APOLD1: variants seen among roughly 807,000 people sequenced by gnomAD.
APOLD1 encodes apolipoprotein L domain containing 1.
In APOLD1, 22 loss-of-function variants were observed where a neutral mutation model predicts 15.3. The observed-to-expected ratio is 1.44, with a 90% CI of 1.03 to 2.05. APOLD1 has a LOEUF of 2.05. Ranked by LOEUF, APOLD1 falls within the 30% of genes most tolerant of loss-of-function variation. The pLI, the probability that APOLD1 is intolerant of heterozygous loss-of-function variation, is 0.00. For synonymous variants in APOLD1, 190 were observed against 167.4 expected (o/e 1.13, Z -1.04); for missense variants, 394 against 353.5 (o/e 1.11, Z -0.92).
At chr12:12,776,797 C>T (rs771594891) in intron 1 of APOLD1, among the ~76,000 whole-genome samples, 3 of 152,066 alleles carry the variant, frequency 2.0e-5, no homozygotes, top group Non-Finnish European at 4.4e-5. Context: ...GATTATGAAG[C>T]AGTAACATTC....
upstream of APOLD1, among the ~76,000 whole-genome samples, chr12:12,784,585 C>T (rs1947109439): frequency 6.6e-6 from 1 of 152,112 alleles, no homozygotes; most frequent in South Asian, 2.1e-4. Flanking sequence ...TAATCATGTT[C>T]CAGAATGATA....
Position 12,778,509 on chromosome 12 carries a change from A to C in APOLD1, c.97-8400A>C, listed in dbSNP as rs1379488653. On this transcript the variant is annotated intron_variant, in intron 1 of 1. Transcript: ENST00000326765. Reference sequence around the variant, plus strand: ...TAATTTTTAATTTCTTTTTTTTTTTATAGAGATGGGTTCTCACTGTGTTGC... The same window carrying C: ...TAATTTTTAATTTCTTTTTTTTTTTCTAGAGATGGGTTCTCACTGTGTTGC... Among the ~76,000 whole-genome samples the C allele has an allele frequency of 1.2e-4, 15 of 124,508 alleles. No homozygotes were observed. In the East Asian group the frequency reaches 3.9e-3, roughly 32 times the overall value. The allele number at this position is 124,508 out of a possible 152,430, so 81.7% of individuals were successfully genotyped here.
At chr12:12,786,693 G>T in intron 1 of APOLD1, 2 of 985,428 alleles carry the variant, frequency 2.0e-6, no homozygotes, top group Non-Finnish European at 2.4e-6. Flanking sequence ...CATATGCAGA[G>T]ATAAGGTCCT....
intron 1 of APOLD1, among the ~76,000 whole-genome samples, chr12:12,746,159 G>C (rs1055415957): frequency 2.6e-5 from 4 of 152,080 alleles, no homozygotes; most frequent in African/African-American, 9.7e-5. Flanking sequence ...ATCCAAGAAG[G>C]CTTAAAACGT....
chr12:12,727,080 T>C (rs1306790343), intron 1 of APOLD1, among the ~76,000 whole-genome samples: 1 of 152,226 alleles, frequency 6.6e-6, no homozygotes, highest in Non-Finnish European at 1.5e-5. Flanking sequence ...CAGACCCCTG[T>C]GAAACTGTAT....
intron 1 of APOLD1, among the ~76,000 whole-genome samples, chr12:12,731,722 T>C (rs921456054): frequency 6.6e-6 from 1 of 152,174 alleles, no homozygotes; most frequent in African/African-American, 2.4e-5. Context: ...AATATATAAA[T>C]ATAGGGAAAT....
At chr12:12,786,612 A>G in intron 1 of APOLD1, 1 of 976,324 alleles carries the variant, frequency 1.0e-6, no homozygotes, top group Non-Finnish European at 1.2e-6. Context: ...ATCTTATTTA[A>G]CACATAGCTG....
Position 12,788,361 on chromosome 12 carries a change from T to C in APOLD1, c.*709T>C, listed in dbSNP as rs1355030872. On this transcript the variant is annotated 3_prime_UTR_variant, in exon 2 of 2. Transcript: ENST00000356591. ...CCCTCACATGAAGCTGAGGGCCAGA[T>C]AGATGGAGCGACTGCCAACTTCATT... 1 of 152,258 alleles carries C rather than the reference T, an allele frequency of 6.6e-6. No individual in the cohort carries two copies. The highest frequency in any genetic ancestry group is 1.5e-5 in the Non-Finnish European group (1 of 68,094). The allele number at this position is 152,258 out of a possible 1,614,324, so 9.4% of individuals were successfully genotyped here.
intron 1 of APOLD1, among the ~76,000 whole-genome samples, chr12:12,751,810 G>A (rs558700186): frequency 9.2e-5 from 14 of 152,322 alleles, no homozygotes; most frequent in African/African-American, 3.4e-4. Flanking sequence ...AGATAAGAGA[G>A]GTTACCTTGT....
chr12:12,764,777 A>G, intron 1 of APOLD1: 1 of 437,094 alleles, frequency 2.3e-6, no homozygotes, highest in Non-Finnish European at 4.9e-6. Flanking sequence ...CCCCAGGTGG[A>G]TGTGATTCTC....
At chr12:12,726,736 CTTAA>C (rs1239521342) in intron 1 of APOLD1, among the ~76,000 whole-genome samples, 3 of 152,144 alleles carry the variant, frequency 2.0e-5, no homozygotes, top group Non-Finnish European at 4.4e-5. Context: ...TAACAAACCT[CTTAA>C]TTAAGGTCCA....
intron 1 of APOLD1, among the ~76,000 whole-genome samples, chr12:12,734,167 G>A (rs1946665487): frequency 6.6e-6 from 1 of 152,082 alleles, no homozygotes; most frequent in Admixed American, 6.6e-5. Flanking sequence ...TTAACTCAAG[G>A]ATATCTTAAC....
At chr12:12,733,491 G>C (rs1292808547) in intron 1 of APOLD1, among the ~76,000 whole-genome samples, 1 of 152,172 alleles carries the variant, frequency 6.6e-6, no homozygotes, top group African/African-American at 2.4e-5. Context: ...AACATCTGTA[G>C]TTCCTATTTC....
At chr12:12,764,692 C>G (rs1946931304) in intron 1 of APOLD1, 2 of 508,374 alleles carry the variant, frequency 3.9e-6, no homozygotes, top group East Asian at 5.7e-5. Context: ...CCTGTAGTGT[C>G]TTATATACAA....
chr12:12,774,571 A>G (rs1223117261), intron 1 of APOLD1, among the ~76,000 whole-genome samples: 32 of 114,354 alleles, frequency 2.8e-4, no homozygotes, highest in African/African-American at 6.1e-4. Context: ...AAAAAAAAAA[A>G]AAAGAAAGAA....
chr12:12,772,274 A>G (rs2136392727), intron 1 of APOLD1, among the ~76,000 whole-genome samples: 1 of 152,342 alleles, frequency 6.6e-6, no homozygotes, highest in East Asian at 1.9e-4. Context: ...ATAAAGACAC[A>G]TATAAACGGG....
At chr12:12,786,720 C>T (rs537426487) in intron 1 of APOLD1, 189 bp from the exon 2 acceptor site, 6 of 985,204 alleles carry the variant, frequency 6.1e-6, no homozygotes, top group South Asian at 9.4e-5. Flanking sequence ...TTGTGTGGCT[C>T]CCCCCGGATT....
At chr12:12,779,306 T>C (rs1235652759) in intron 1 of APOLD1, among the ~76,000 whole-genome samples, 6 of 152,130 alleles carry the variant, frequency 3.9e-5, no homozygotes, top group Non-Finnish European at 7.4e-5. Flanking sequence ...TCTCTTCCAA[T>C]AGATTTGCCG....
intron 1 of APOLD1, chr12:12,771,769 T>C (rs1477900352): frequency 3.9e-6 from 1 of 257,652 alleles, no homozygotes; most frequent in South Asian, 4.1e-5. Flanking sequence ...ATATATTGCA[T>C]ATATATAGCT....
Sources: allele counts gnomAD v4.1 joint callset (sites outside exome capture counted in the v4.1 genomes callset), GRCh38; gene constraint gnomAD v4.1.1; transcripts MANE v1.5; gene names NCBI Gene and HGNC (gene_info 2026-07-23, HGNC 2026-07-21).